DIS3L2: variants seen among roughly 807,000 people sequenced by gnomAD.
DIS3L2 encodes DIS3-like exonuclease 2.
Under a neutral mutation model 97.5 loss-of-function variants are expected in DIS3L2, and 34 were observed. The observed-to-expected ratio is 0.35, with a 90% CI of 0.27 to 0.46. DIS3L2 has a LOEUF of 0.46. Ranked by LOEUF, DIS3L2 falls within the 20% of genes least tolerant of loss-of-function variation. The probability of loss-of-function intolerance (pLI) is 1.00; values close to 1 mark genes in which losing one functional copy is unlikely to be tolerated. For missense variants in DIS3L2, 1,038 were observed against 1,146.0 expected (o/e 0.91, Z 1.36); for synonymous variants, 435 against 445.2 (o/e 0.98, Z 0.29).
At chr2:232,338,147 A>C (rs1480739462), downstream of DIS3L2, among the ~76,000 whole-genome samples, 1 of 150,912 alleles carries the variant, frequency 6.6e-6, no homozygotes, top group Admixed American at 6.6e-5. Context: ...GGAGAGCCCC[A>C]AACAGGAAGG....
At chr2:232,329,785 T>TCCCGGGGCCCCCCC in intron 14 of DIS3L2, 28 bp from the exon 15 acceptor site, 8 of 967,140 alleles carry the variant, frequency 8.3e-6, no homozygotes, top group East Asian at 3.1e-5. Flanking sequence ...ACCCCAGCGG[T>TCCCGGGGCCCCCCC]CCCTCCCATC....
chr2:232,333,698 C>A, intron 16 of DIS3L2, 142 bp from the exon 17 acceptor site: 1 of 1,307,516 alleles, frequency 7.6e-7, no homozygotes, highest in Non-Finnish European at 1.0e-6. Flanking sequence ...CCCCAGTCCT[C>A]CCTGGCGTCA....
chr2:232,076,199 T>C (rs1696180215), intron 5 of DIS3L2, among the ~76,000 whole-genome samples: 1 of 152,226 alleles, frequency 6.6e-6, no homozygotes. Context: ...TAAAGGAGAA[T>C]TTGCATTTTC....
chr2:232,225,055 T>G (rs918799252), intron 10 of DIS3L2, among the ~76,000 whole-genome samples: 3 of 152,144 alleles, frequency 2.0e-5, no homozygotes, highest in Non-Finnish European at 4.4e-5. Flanking sequence ...AAGATACTAT[T>G]ATGTTCCCAC....
chr2:232,033,990 G>A (rs1447768952), intron 5 of DIS3L2, among the ~76,000 whole-genome samples: 1 of 152,164 alleles, frequency 6.6e-6, no homozygotes, highest in African/African-American at 2.4e-5. Flanking sequence ...CATAAAATGA[G>A]TTGGGGAGGA....
At chr2:232,000,613 T>TTTCCTTTCC (rs1693853867) in intron 1 of DIS3L2, among the ~76,000 whole-genome samples, 2 of 107,316 alleles carry the variant, frequency 1.9e-5, no homozygotes, top group African/African-American at 4.1e-5. Flanking sequence ...CTTTCCTTTC[T>TTTCCTTTCC]TTTCCTTTCC....
At position 232,112,147 on chromosome 2, in the gene DIS3L2, A is replaced by G. The variant is rs185573792; in HGVS notation, c.602-18472A>G. 1.7e-3 allele frequency among the ~76,000 whole-genome samples: 262 copies of G among 152,282 alleles called. 2 individuals are homozygous for G. Among genetic ancestry groups the G allele is most frequent in the African/African-American group, 5.9e-3 (246 of 41,554 alleles). The stretch of plus-strand genomic sequence containing the variant: ...GGCATTGTCATGAACAAATTTTGTA[A>G]TTGAGGGAGAGGGCTTCTTTGTGGT... On this transcript the variant is annotated intron_variant, in intron 6 of 20. Transcript: ENST00000325385.
chr2:232,139,504 A>G (rs1698452538), intron 8 of DIS3L2, among the ~76,000 whole-genome samples: 1 of 152,184 alleles, frequency 6.6e-6, no homozygotes, highest in Admixed American at 6.5e-5. Flanking sequence ...GTGGGGGTCC[A>G]GAGTCCCATC....
chr2:232,129,558 CA>C (rs1314188634), intron 6 of DIS3L2, among the ~76,000 whole-genome samples: 1 of 152,152 alleles, frequency 6.6e-6, no homozygotes, highest in Non-Finnish European at 1.5e-5. Context: ...ATTCAGAGGG[CA>C]CTTCAGTAGG....
At chr2:232,031,231 T>A (rs1694795177) in intron 5 of DIS3L2, among the ~76,000 whole-genome samples, 1 of 152,192 alleles carries the variant, frequency 6.6e-6, no homozygotes, top group African/African-American at 2.4e-5. Flanking sequence ...CCAAAAAAGA[T>A]GTGATGTGAG....
chr2:232,272,966 C>A (rs1159024824), intron 13 of DIS3L2, among the ~76,000 whole-genome samples: 1 of 152,110 alleles, frequency 6.6e-6, no homozygotes, highest in Non-Finnish European at 1.5e-5. Context: ...CTGGTTCTTT[C>A]TGCTTGCCTA....
intron 5 of DIS3L2, among the ~76,000 whole-genome samples, chr2:232,057,418 A>T (rs1695574260): frequency 6.6e-6 from 1 of 152,138 alleles, no homozygotes; most frequent in Non-Finnish European, 1.5e-5. Context: ...GCTTTTGCAG[A>T]TGTTATTGAA....
chr2:232,082,792 T>G (rs1418789021), intron 5 of DIS3L2, among the ~76,000 whole-genome samples: 1 of 152,236 alleles, frequency 6.6e-6, no homozygotes, highest in Admixed American at 6.5e-5. Context: ...CTTGCTGTAC[T>G]CTGGTTGTTG....
intron 5 of DIS3L2, among the ~76,000 whole-genome samples, chr2:232,066,749 T>C (rs547699955): frequency 3.9e-4 from 59 of 152,202 alleles, no homozygotes; most frequent in African/African-American, 1.3e-3. Flanking sequence ...TTTATTGATA[T>C]AGAGTGTGAT....
At chr2:232,135,477 G>T (rs1698330576) in intron 7 of DIS3L2, among the ~76,000 whole-genome samples, 1 of 152,184 alleles carries the variant, frequency 6.6e-6, no homozygotes, top group South Asian at 2.1e-4. Flanking sequence ...GCGAAGGGGG[G>T]TGTCCCACAG....
At chr2:232,019,520 C>G (rs1011677746) in intron 3 of DIS3L2, among the ~76,000 whole-genome samples, 5 of 150,376 alleles carry the variant, frequency 3.3e-5, no homozygotes, top group Non-Finnish European at 7.4e-5. Flanking sequence ...CCATTGTGCT[C>G]CAGCCTGGGC....
chr2:231,963,592 T>G (rs958031262), intron 1 of DIS3L2, among the ~76,000 whole-genome samples: 5 of 152,208 alleles, frequency 3.3e-5, no homozygotes, highest in African/African-American at 1.2e-4. Flanking sequence ...AAGCTCTAGT[T>G]TAATTAGTTC....
chr2:232,304,124 C>T (rs762795689), intron 14 of DIS3L2, among the ~76,000 whole-genome samples: 1 of 151,774 alleles, frequency 6.6e-6, no homozygotes, highest in Non-Finnish European at 1.5e-5. Context: ...CCTCACACCC[C>T]CTGGCAGATG....
chr2:232,064,612 T>C (rs1048171213), intron 5 of DIS3L2, among the ~76,000 whole-genome samples: 3 of 152,184 alleles, frequency 2.0e-5, no homozygotes, highest in African/African-American at 4.8e-5. Flanking sequence ...TATACGAAAT[T>C]ATGAAGTGGT....
Sources: gnomAD v4.1 joint callset for allele counts (sites outside exome capture counted in the v4.1 genomes callset) on GRCh38, gnomAD v4.1.1 for gene constraint, MANE v1.5 for transcripts, NCBI Gene and HGNC (gene_info 2026-07-23, HGNC 2026-07-21) for gene names.